Variants in NRXN3 observed in about 807,000 individuals in gnomAD.
NRXN3 encodes the protein neurexin III.
NRXN3 carries 32 observed loss-of-function variants against 137.6 expected under a neutral mutation model. The observed-to-expected ratio is 0.23, with a 90% CI of 0.18 to 0.31. NRXN3 has a LOEUF of 0.31. NRXN3 is among the 10% of genes least tolerant of loss of function. NRXN3 has a pLI of 1.00. For synonymous variants in NRXN3, 798 were observed against 784.5 expected (o/e 1.02, Z -0.29); for missense variants, 1,574 against 2,062.5 (o/e 0.76, Z 4.59).
intron 4 of NRXN3, among the ~76,000 whole-genome samples, chr14:78,332,408 C>T (rs559243597): frequency 7.9e-5 from 12 of 151,546 alleles, no homozygotes; most frequent in Non-Finnish European, 1.2e-4. Context: ...CTCTGCCTCC[C>T]GGTTTCAAGC....
intron 4 of NRXN3, among the ~76,000 whole-genome samples, chr14:78,432,394 C>G (rs760253065): frequency 6.6e-6 from 1 of 151,976 alleles, no homozygotes; most frequent in Non-Finnish European, 1.5e-5. Flanking sequence ...GCAACTTGAC[C>G]CCTTGCTGCC....
intron 10 of NRXN3, among the ~76,000 whole-genome samples, chr14:78,894,391 A>G (rs902383245): frequency 2.0e-5 from 3 of 151,922 alleles, no homozygotes; most frequent in Non-Finnish European, 4.4e-5. Flanking sequence ...TTGCTCATCT[A>G]TAGAAGCAAC....
rs535337866 is a variant in NRXN3, at chr14:79,141,283, C to G, written c.3262+153142C>G. Among the ~76,000 whole-genome samples, 4 of 152,292 alleles carry G rather than the reference C, an allele frequency of 2.6e-5. No homozygotes were observed. The East Asian group carries it at 7.7e-4, about 29-fold the overall frequency. On this transcript the variant is annotated intron_variant, in intron 15 of 20. Coordinates refer to ENST00000335750, the MANE Select transcript of NRXN3 (RefSeq NM_001330195.2). ...GATTGTACCTACTTATCACAAGCAC[C>G]TTAGTTTTCCTTTCCTTCTTTTCTA...
rs534941131 is a variant in NRXN3 at position 79,713,296 on chromosome 14, G to C, written c.4014+15359G>C. Among the ~76,000 whole-genome samples the C allele has an allele frequency of 2.1e-5, 3 of 144,466 alleles. No individual in the cohort carries two copies. In the South Asian group the frequency reaches 6.9e-4, roughly 33 times the overall value. 94.8% of individuals were successfully genotyped at this position (144,466 alleles called of 152,430 possible). ...CCCCTATAGTTCTTGCTTTTGTAAA[G>C]TTGTGGTTATTTGCCGATTAGCTGC... On this transcript the variant is annotated intron_variant, in intron 19 of 20. Transcript: ENST00000335750.
intron 15 of NRXN3, among the ~76,000 whole-genome samples, chr14:79,032,305 A>G (rs1399051752): frequency 6.6e-6 from 1 of 152,202 alleles, no homozygotes; most frequent in Non-Finnish European, 1.5e-5. Flanking sequence ...TCAAGTCGTT[A>G]TTAAACATTT....
At chr14:78,445,879 T>C (rs947294952) in intron 4 of NRXN3, among the ~76,000 whole-genome samples, 1 of 152,176 alleles carries the variant, frequency 6.6e-6, no homozygotes, top group Non-Finnish European at 1.5e-5. Context: ...TAGATGAACA[T>C]TGGAAGCTGT....
chr14:79,022,960 G>A (rs1280835242), intron 15 of NRXN3, among the ~76,000 whole-genome samples: 3 of 152,156 alleles, frequency 2.0e-5, no homozygotes, highest in African/African-American at 7.2e-5. Flanking sequence ...AGGAAAAATA[G>A]TGGGGTTCCA....
chr14:79,337,639 T>A (rs557478872), intron 15 of NRXN3, among the ~76,000 whole-genome samples: 7 of 152,332 alleles, frequency 4.6e-5, no homozygotes, highest in African/African-American at 4.8e-5. Flanking sequence ...GTTTTTTCCT[T>A]AAAGTTTTAC....
intron 15 of NRXN3, among the ~76,000 whole-genome samples, chr14:79,441,060 C>T (rs1034629086): frequency 1.3e-5 from 2 of 152,252 alleles, no homozygotes; most frequent in African/African-American, 2.4e-5. Flanking sequence ...CCATTCTGTT[C>T]CAAAAATAAT....
chr14:79,735,413 A>G (rs2098938510), intron 19 of NRXN3, among the ~76,000 whole-genome samples: 1 of 152,196 alleles, frequency 6.6e-6, no homozygotes, highest in Non-Finnish European at 1.5e-5. Context: ...GAAGAGAAGC[A>G]TCCCTTGAAA....
intron 16 of NRXN3, among the ~76,000 whole-genome samples, chr14:79,548,646 T>C (rs970225132): frequency 6.6e-6 from 1 of 151,622 alleles, no homozygotes; most frequent in Admixed American, 6.6e-5. Context: ...GAGCCTTAAA[T>C]CTACCAAGCC....
chr14:79,103,946 A>T (rs1025319792), intron 15 of NRXN3, among the ~76,000 whole-genome samples: 1 of 152,144 alleles, frequency 6.6e-6, no homozygotes, highest in African/African-American at 2.4e-5. Context: ...CAAGCAATAG[A>T]CACATGTTCA....
rs538813089 is a variant in NRXN3 at position 78,413,828 on chromosome 14, G to A, written c.757+115968G>A. On this transcript the variant is annotated intron_variant, in intron 4 of 20. Transcript: ENST00000335750. The stretch of plus-strand genomic sequence containing the variant: ...TTGAGGTCAGTGGCCCATCTGATAC[G>A]GCTTAGCTCTGTGTCCCCACCCAAA... Among the ~76,000 whole-genome samples, 23 of 152,218 alleles carry A rather than the reference G, an allele frequency of 1.5e-4. No individual in the cohort carries two copies. In the Middle Eastern group the frequency reaches 0.024, roughly 158 times the overall value.
chr14:78,915,244 TA>T (rs1352885570), intron 10 of NRXN3, among the ~76,000 whole-genome samples: 3 of 149,036 alleles, frequency 2.0e-5, no homozygotes, highest in Non-Finnish European at 4.4e-5. Context: ...AGTTTCTATA[TA>T]TGGAGTACTG....
chr14:79,298,674 A>G (rs2084622061), intron 15 of NRXN3: 1 of 152,122 alleles, frequency 6.6e-6, no homozygotes, highest in Non-Finnish European at 1.5e-5. Flanking sequence ...GGGTTGTAAC[A>G]AGCAGGTAAT....
At chr14:78,797,926 G>T (rs1308516366) in intron 8 of NRXN3, among the ~76,000 whole-genome samples, 2 of 152,130 alleles carry the variant, frequency 1.3e-5, no homozygotes, top group Non-Finnish European at 2.9e-5. Context: ...GGGGGAAACT[G>T]CCCCCAGGAT....
intron 15 of NRXN3, among the ~76,000 whole-genome samples, chr14:79,001,054 G>C (rs769438353): frequency 2.6e-5 from 4 of 152,000 alleles, no homozygotes; most frequent in Non-Finnish European, 4.4e-5. Context: ...AGTTATATTT[G>C]GTTTCCTAGG....
chr14:79,218,170 A>G (rs1278153223), intron 15 of NRXN3, among the ~76,000 whole-genome samples: 1 of 152,162 alleles, frequency 6.6e-6, no homozygotes, highest in Non-Finnish European at 1.5e-5. Context: ...ATGTTGGAAA[A>G]TTCTATAGTT....
chr14:79,810,927 T>C (rs2099230156), intron 20 of NRXN3, among the ~76,000 whole-genome samples: 1 of 152,218 alleles, frequency 6.6e-6, no homozygotes, highest in African/African-American at 2.4e-5. Flanking sequence ...TTAAATATGA[T>C]GTTTGAAATC....
Sources: gnomAD v4.1 joint callset for allele counts (sites outside exome capture counted in the v4.1 genomes callset) on GRCh38, gnomAD v4.1.1 for gene constraint, MANE v1.5 for transcripts, NCBI Gene and HGNC (gene_info 2026-07-23, HGNC 2026-07-21) for gene names.